Variants in NBEA observed in about 807,000 individuals in gnomAD.
The protein encoded by NBEA is lysosomal-trafficking regulator 2.
Under a neutral mutation model 343.4 loss-of-function variants are expected in NBEA, and 44 were observed. That is an observed-to-expected ratio of 0.13 (90% CI 0.10 to 0.16). The LOEUF (loss-of-function observed/expected upper bound fraction) is 0.16. Ranked by LOEUF, NBEA falls within the 10% of genes least tolerant of loss-of-function variation. The pLI is 1.00. For missense variants in NBEA, 2,555 were observed against 3,631.3 expected, an observed-to-expected ratio of 0.70 and a Z score of 7.62; for synonymous variants, 1,175 against 1,238.7, an observed-to-expected ratio of 0.95 and a Z score of 1.08.
At chr13:35,622,666 A>G (rs2153061794) in intron 48 of NBEA, among the ~76,000 whole-genome samples, 1 of 152,340 alleles carries the variant, frequency 6.6e-6, no homozygotes, top group South Asian at 2.1e-4. Flanking sequence ...AAGTGACAAT[A>G]TGGCTTTCTG....
intron 50 of NBEA, 114 bp downstream of exon 50, chr13:35,646,045 C>A: frequency 2.7e-6 from 2 of 740,494 alleles, no homozygotes; most frequent in Non-Finnish European, 4.5e-6. Flanking sequence ...AGAATAGTGA[C>A]TGGGTTAACT....
intron 38 of NBEA, among the ~76,000 whole-genome samples, chr13:35,361,879 G>A (rs941019460): frequency 6.6e-6 from 1 of 151,862 alleles, no homozygotes; most frequent in Non-Finnish European, 1.5e-5. Flanking sequence ...GGTTTTCAAG[G>A]GTTAACACCT....
intron 36 of NBEA, among the ~76,000 whole-genome samples, chr13:35,321,497 C>T (rs565327972): frequency 1.3e-5 from 2 of 152,028 alleles, no homozygotes; most frequent in Non-Finnish European, 2.9e-5. Context: ...TGCCATATGC[C>T]AGCTGGAGCT....
intron 20 of NBEA, 59 bp downstream of exon 20, chr13:35,156,265 T>C (rs1317084717): frequency 7.0e-7 from 1 of 1,426,706 alleles, no homozygotes; most frequent in Non-Finnish European, 9.3e-7. Flanking sequence ...TTCTCTCTTT[T>C]AGATTTTCAA....
chr13:34,963,378 TG>T (rs908545328), intron 1 of NBEA, among the ~76,000 whole-genome samples: 7 of 151,998 alleles, frequency 4.6e-5, no homozygotes, highest in Non-Finnish European at 1.0e-4. Flanking sequence ...CCTATCCATA[TG>T]ATTTCATTTT....
At chr13:35,663,556 G>C (rs1236472865) in intron 55 of NBEA, among the ~76,000 whole-genome samples, 2 of 152,050 alleles carry the variant, frequency 1.3e-5, no homozygotes, top group African/African-American at 4.8e-5. Context: ...GAGCTATTGT[G>C]AATAGTGCTG....
intron 49 of NBEA, among the ~76,000 whole-genome samples, chr13:35,642,659 G>C (rs1177839820): frequency 6.6e-6 from 1 of 152,140 alleles, no homozygotes. Context: ...GTGAGTGGTG[G>C]GCGTTACAAA....
intron 1 of NBEA, among the ~76,000 whole-genome samples, chr13:35,037,916 G>A (rs962997449): frequency 6.6e-6 from 1 of 152,188 alleles, no homozygotes; most frequent in African/African-American, 2.4e-5. Context: ...CTGGGCCTGT[G>A]TCCTTCTCTT....
At chr13:35,465,263 A>G (rs946524812) in intron 40 of NBEA, among the ~76,000 whole-genome samples, 1 of 152,174 alleles carries the variant, frequency 6.6e-6, no homozygotes, top group Non-Finnish European at 1.5e-5. Context: ...TCTATATTCA[A>G]TTCCACAAAC....
chr13:35,363,718 A>C (rs984749958), intron 38 of NBEA, among the ~76,000 whole-genome samples: 1 of 151,830 alleles, frequency 6.6e-6, no homozygotes, highest in South Asian at 2.1e-4. Flanking sequence ...TAAAACATCT[A>C]TCCGATTCGA....
chr13:35,244,513 A>G (rs2030875314), intron 34 of NBEA, among the ~76,000 whole-genome samples: 1 of 151,936 alleles, frequency 6.6e-6, no homozygotes, highest in Non-Finnish European at 1.5e-5. Flanking sequence ...TTTCGTGACT[A>G]TGGCCTTATG....
chr13:35,378,981 A>G (rs2041878805), intron 38 of NBEA, among the ~76,000 whole-genome samples: 1 of 152,038 alleles, frequency 6.6e-6, no homozygotes, highest in Non-Finnish European at 1.5e-5. Context: ...GTTTATTCTC[A>G]TTGCTATATA....
intron 1 of NBEA, among the ~76,000 whole-genome samples, chr13:34,999,855 G>A (rs2061066937): frequency 6.6e-6 from 1 of 151,962 alleles, no homozygotes; most frequent in Non-Finnish European, 1.5e-5. Flanking sequence ...TTTAACACAG[G>A]CATTCTATTT....
At chr13:34,945,965 G>C (rs985928971) in intron 1 of NBEA, among the ~76,000 whole-genome samples, 1 of 152,096 alleles carries the variant, frequency 6.6e-6, no homozygotes, top group South Asian at 2.1e-4. Context: ...TTTACTACTA[G>C]GTGGATTGTG....
intron 44 of NBEA, among the ~76,000 whole-genome samples, chr13:35,563,919 C>A (rs1286999914): frequency 6.6e-6 from 1 of 151,394 alleles, no homozygotes; most frequent in Non-Finnish European, 1.5e-5. Flanking sequence ...AGTACATGTG[C>A]AGATTTTTTA....
At chr13:35,154,332 A>C (rs560762776) in intron 18 of NBEA, among the ~76,000 whole-genome samples, 1 of 152,290 alleles carries the variant, frequency 6.6e-6, no homozygotes, top group Admixed American at 6.5e-5. Context: ...CAATATAGCT[A>C]TGTTCAATTG....
In NBEA at chr13:35,056,394, A is replaced by G. The variant is rs1470484300; in HGVS notation, c.1092+265A>G. Among the ~76,000 whole-genome samples the G allele has an allele frequency of 2.0e-5, 3 of 152,088 alleles. No homozygotes were observed. In the East Asian group the frequency reaches 5.8e-4, roughly 29 times the overall value. The stretch of plus-strand genomic sequence containing the variant: ...TGAATCCTGTATTCTGTTTTTTTCC[A>G]GCATCAAGCACTAAAAAATGTGGTT... On this transcript the variant is annotated intron_variant, in intron 7 of 58. Coordinates refer to ENST00000379939, the MANE Select transcript of NBEA (RefSeq NM_001385012.1).
intron 1 of NBEA, among the ~76,000 whole-genome samples, chr13:34,955,218 G>A (rs1025350202): frequency 2.3e-4 from 35 of 151,534 alleles, no homozygotes; most frequent in African/African-American, 6.8e-4. Flanking sequence ...GGAAACTTCC[G>A]TTTTTACTCC....
intron 11 of NBEA, among the ~76,000 whole-genome samples, chr13:35,103,868 C>T (rs2065779449): frequency 6.6e-6 from 1 of 151,848 alleles, no homozygotes; most frequent in South Asian, 2.1e-4. Flanking sequence ...CTTCTCAGCT[C>T]CTTACCATGT....
Sources: gnomAD v4.1 joint callset for allele counts (sites outside exome capture counted in the v4.1 genomes callset) on GRCh38, gnomAD v4.1.1 for gene constraint, MANE v1.5 for transcripts, NCBI Gene and HGNC (gene_info 2026-07-23, HGNC 2026-07-21) for gene names.